DLGAP2: variants seen among roughly 807,000 people sequenced by gnomAD.
DLGAP2 encodes the protein DLG associated protein 2, also known as disks large-associated protein 2.
DLGAP2 carries 26 observed loss-of-function variants against 100.3 expected under a neutral mutation model. The ratio of observed to expected loss-of-function variants is 0.26; its 90% CI spans 0.19 to 0.36. DLGAP2 has a LOEUF of 0.36. Among genes scored for constraint, DLGAP2 ranks in the 10% least tolerant of loss-of-function variants. The probability of loss-of-function intolerance (pLI) is 1.00; values close to 1 mark genes in which losing one functional copy is unlikely to be tolerated. For synonymous variants in DLGAP2, 886 were observed against 630.1 expected (o/e 1.41, Z -6.08); for missense variants, 1,858 against 1,453.2 (o/e 1.28, Z -4.53).
intron 1 of DLGAP2, among the ~76,000 whole-genome samples, chr8:807,739 A>T (rs1042578274): frequency 2.6e-5 from 4 of 152,194 alleles, no homozygotes; most frequent in African/African-American, 9.7e-5. Flanking sequence ...GTGTTTTTCC[A>T]TAACTAAAAG....
chr8:1,044,972 C>G (rs991381634), intron 2 of DLGAP2, among the ~76,000 whole-genome samples: 1 of 152,254 alleles, frequency 6.6e-6, no homozygotes, highest in Non-Finnish European at 1.5e-5. Context: ...GAGGAATATG[C>G]TTACCTTCAG....
chr8:812,272 G>A (rs1403725070), intron 1 of DLGAP2, among the ~76,000 whole-genome samples: 5 of 152,184 alleles, frequency 3.3e-5, no homozygotes, highest in Admixed American at 3.3e-4. Context: ...GACCTTCTGC[G>A]TGACCTTGTC....
intron 6 of DLGAP2, among the ~76,000 whole-genome samples, chr8:1,574,280 G>C (rs997707526): frequency 1.3e-5 from 2 of 152,160 alleles, no homozygotes; most frequent in African/African-American, 2.4e-5. Flanking sequence ...AGACAGGAGA[G>C]CAATGAACTA....
chr8:1,237,606 C>T (rs1328959360), intron 2 of DLGAP2, among the ~76,000 whole-genome samples: 8 of 144,236 alleles, frequency 5.5e-5, no homozygotes, highest in African/African-American at 1.0e-4. Context: ...CACATGGCGC[C>T]GTGTCTAGTT....
intron 3 of DLGAP2, among the ~76,000 whole-genome samples, chr8:1,318,778 G>GT (rs1800825860): frequency 1.9e-5 from 2 of 105,574 alleles, no homozygotes; most frequent in Non-Finnish European, 3.7e-5. Context: ...TCAGTGATCA[G>GT]CCCCCCCCCC....
chr8:1,657,978 G>T (rs1222453453), intron 8 of DLGAP2, among the ~76,000 whole-genome samples: 1 of 152,188 alleles, frequency 6.6e-6, no homozygotes, highest in Non-Finnish European at 1.5e-5. Context: ...TGAGGGAGCA[G>T]ATCGCCCAAA....
intron 2 of DLGAP2, among the ~76,000 whole-genome samples, chr8:1,138,875 A>G (rs113741195): frequency 2.9e-3 from 379 of 132,802 alleles, no homozygotes; most frequent in Non-Finnish European, 4.6e-3. Context: ...TTTATTTACT[A>G]GTCCTGGCCT....
At chr8:1,038,188 C>T (rs572131411) in intron 2 of DLGAP2, among the ~76,000 whole-genome samples, 13 of 152,340 alleles carry the variant, frequency 8.5e-5, no homozygotes, top group South Asian at 8.3e-4. Flanking sequence ...TCTGTGCTAA[C>T]GCAGTCAGTG....
At chr8:781,064 A>C (rs1176816385) in intron 1 of DLGAP2, among the ~76,000 whole-genome samples, 2 of 152,232 alleles carry the variant, frequency 1.3e-5, no homozygotes, top group African/African-American at 4.8e-5. Flanking sequence ...GCATGAAAAT[A>C]TGTATAGATA....
chr8:1,512,805 C>T (rs953064122), intron 4 of DLGAP2, among the ~76,000 whole-genome samples: 2 of 152,244 alleles, frequency 1.3e-5, no homozygotes, highest in Non-Finnish European at 2.9e-5. Context: ...CTACTGCCAA[C>T]ATTTTCTAAA....
intron 3 of DLGAP2, among the ~76,000 whole-genome samples, chr8:1,420,001 G>C (rs12542928): frequency 0.11 from 16,595 of 152,216 alleles, 1,137 homozygotes; most frequent in East Asian, 0.36. Flanking sequence ...GCTGTAAAAA[G>C]AATGAAATCC....
intron 3 of DLGAP2, among the ~76,000 whole-genome samples, chr8:1,278,669 A>T (rs911596246): frequency 6.6e-6 from 1 of 152,160 alleles, no homozygotes; most frequent in Admixed American, 6.5e-5. Context: ...TACCTTACCT[A>T]ATCAGTGGTG....
chr8:1,263,275 C>G (rs1412384501), intron 3 of DLGAP2, among the ~76,000 whole-genome samples: 1 of 152,072 alleles, frequency 6.6e-6, no homozygotes, highest in African/African-American at 2.4e-5. Context: ...AAGCAAAATT[C>G]AAGTCTTAAA....
intron 2 of DLGAP2, among the ~76,000 whole-genome samples, chr8:1,128,559 C>T (rs1009614921): frequency 1.3e-5 from 2 of 152,218 alleles, no homozygotes; most frequent in African/African-American, 2.4e-5. Context: ...CTGCACCACA[C>T]AGCCTGGGTG....
At chr8:1,595,278 A>T (rs144839232) in intron 6 of DLGAP2, among the ~76,000 whole-genome samples, 2 of 152,010 alleles carry the variant, frequency 1.3e-5, no homozygotes, top group African/African-American at 4.8e-5. Context: ...TTAAATATAT[A>T]TAAACTTTTT....
chr8:1,337,869 A>C (rs1320005070), intron 3 of DLGAP2, among the ~76,000 whole-genome samples: 1 of 152,252 alleles, frequency 6.6e-6, no homozygotes, highest in Non-Finnish European at 1.5e-5. Context: ...CAAATTAAAA[A>C]TGGGCAAAAT....
intron 1 of DLGAP2, among the ~76,000 whole-genome samples, chr8:821,145 G>T (rs181496021): frequency 1.3e-5 from 2 of 152,242 alleles, no homozygotes; most frequent in Admixed American, 1.3e-4. Flanking sequence ...TACCTTATTA[G>T]AATTTTACAT....
At chr8:1,540,784 G>A (rs1389778713) in intron 4 of DLGAP2, among the ~76,000 whole-genome samples, 1 of 152,240 alleles carries the variant, frequency 6.6e-6, no homozygotes, top group Non-Finnish European at 1.5e-5. Flanking sequence ...ATGAAATATG[G>A]CAACCATACA....
At chr8:982,296 AG>A (rs1800358952) in intron 2 of DLGAP2, among the ~76,000 whole-genome samples, 1 of 152,264 alleles carries the variant, frequency 6.6e-6, no homozygotes, top group African/African-American at 2.4e-5. Context: ...ATGCCTCAGC[AG>A]GCACTCAGCA....
Sources: allele counts gnomAD v4.1 joint callset (sites outside exome capture counted in the v4.1 genomes callset), GRCh38; gene constraint gnomAD v4.1.1; transcripts MANE v1.5; gene names NCBI Gene and HGNC (gene_info 2026-07-23, HGNC 2026-07-21).